The following CHD9 variants were observed in gnomAD, a reference collection of about 807,000 sequenced individuals.
The protein encoded by CHD9 is chromodomain helicase DNA binding protein 9.
In CHD9, 77 loss-of-function variants were observed where a neutral mutation model predicts 316.1. That is an observed-to-expected ratio of 0.24 (90% CI 0.20 to 0.29). CHD9 has a LOEUF of 0.29. CHD9 is among the 10% of genes least tolerant of loss of function. The pLI is 1.00. For synonymous variants in CHD9, 1,129 were observed against 1,158.3 expected (o/e 0.97, Z 0.51); for missense variants, 2,763 against 3,438.1 (o/e 0.80, Z 4.91).
At chr16:53,163,516 T>A (rs2042066457) in intron 2 of CHD9, among the ~76,000 whole-genome samples, 1 of 152,178 alleles carries the variant, frequency 6.6e-6, no homozygotes, top group African/African-American at 2.4e-5. Flanking sequence ...GGCCAATATT[T>A]TTGAATTTTA....
intron 1 of CHD9, among the ~76,000 whole-genome samples, chr16:53,077,652 T>C (rs989617674): frequency 2.0e-4 from 30 of 152,160 alleles, no homozygotes; most frequent in Non-Finnish European, 1.3e-4. Flanking sequence ...AAAGTATATA[T>C]TTAAGGGGCA....
intron 2 of CHD9, chr16:53,208,328 T>C (rs567695264): frequency 1.6e-6 from 2 of 1,281,958 alleles, no homozygotes; most frequent in African/African-American, 1.5e-5. Flanking sequence ...ATGTCTTCAG[T>C]GAAGAGGCCA....
chr16:53,228,808 A>G (rs1253094779), intron 7 of CHD9, among the ~76,000 whole-genome samples, 175 bp from the exon 8 acceptor site: 2 of 152,168 alleles, frequency 1.3e-5, no homozygotes, highest in Non-Finnish European at 2.9e-5. Flanking sequence ...TCCTTAGCAT[A>G]TAGTGATCAC....
chr16:53,129,536 A>G (rs936708080), intron 1 of CHD9, among the ~76,000 whole-genome samples: 2 of 152,232 alleles, frequency 1.3e-5, no homozygotes, highest in Admixed American at 1.3e-4. Flanking sequence ...GAATATAAAG[A>G]ATGAAATTAC....
In CHD9 at chr16:53,307,957, T is replaced by C. The variant is rs772141661; in HGVS notation, c.7053+4T>C. ...GTTTACAGTGAAAATCAAAGACGTA[T>C]GTGTATTTTTATTGCCCTAGGGCCT... On this transcript the variant is annotated splice_donor_region_variant and intron_variant, in intron 33 of 38. Transcript: ENST00000447540. 1 of 1,588,810 alleles carries C rather than the reference T, an allele frequency of 6.3e-7. No homozygotes were observed. Among genetic ancestry groups the C allele is most frequent in the South Asian group, 1.1e-5 (1 of 87,316 alleles).
chr16:53,286,346 ATG>A lies in CHD9; in HGVS notation c.5189+9_5189+10del. The A allele has an allele frequency of 6.6e-7, 1 of 1,523,044 alleles. No individual in the cohort carries two copies. The highest frequency in any genetic ancestry group is 9.1e-7 in the Non-Finnish European group (1 of 1,097,562). 94.3% of individuals were successfully genotyped at this position (1,523,044 alleles called of 1,614,324 possible). A position where few individuals can be genotyped will look rare whatever the true frequency, so the allele number is the denominator to read the frequency against. On this transcript the variant is annotated splice_donor_5th_base_variant and intron_variant, in intron 26 of 38. Coordinates refer to ENST00000447540, the MANE Select transcript of CHD9 (RefSeq NM_001308319.2). ...AGAGCGAATGATTATATGGATGGGTATGTGTGTTTCAGAGTCATGAATTTTCT... is the reference window on the plus strand; with the variant it reads ...AGAGCGAATGATTATATGGATGGGTATGTGTTTCAGAGTCATGAATTTTCT...
intron 1 of CHD9, among the ~76,000 whole-genome samples, chr16:53,118,134 A>G (rs1424498655): frequency 6.6e-6 from 1 of 152,112 alleles, no homozygotes; most frequent in East Asian, 1.9e-4. Flanking sequence ...GCCAAGACCT[A>G]AATATTTCAA....
chr16:53,236,037 G>A (rs1223443036), intron 11 of CHD9, among the ~76,000 whole-genome samples: 1 of 152,102 alleles, frequency 6.6e-6, no homozygotes, highest in Non-Finnish European at 1.5e-5. Context: ...TAGTGATGGT[G>A]AGTCATGGAC....
intron 2 of CHD9, among the ~76,000 whole-genome samples, chr16:53,203,921 G>A (rs1240638781): frequency 1.3e-5 from 2 of 149,906 alleles, no homozygotes; most frequent in East Asian, 2.0e-4. Context: ...CTACTCGTGA[G>A]CCTGAGGCAG....
At position 53,245,989 on chromosome 16, in the gene CHD9, T is replaced by C; in HGVS notation, c.3454+139T>C. The stretch of plus-strand genomic sequence containing the variant: ...CTAAGGAATTACAAGTGTTACAGAA[T>C]CAGAGGCAATGTGAACTGCTTTGTT... On this transcript the variant is annotated intron_variant, in intron 15 of 38. Coordinates refer to ENST00000447540, the MANE Select transcript of CHD9 (RefSeq NM_001308319.2). This position sits in a 1 kb window ranked among gnomAD's most constrained non-coding sequence, Gnocchi z 4.1. 1.7e-6 allele frequency: 1 copy of C among 591,904 alleles called. No individual in the cohort carries two copies. The highest frequency in any genetic ancestry group is 2.6e-6 in the Non-Finnish European group (1 of 380,916). 36.7% of individuals were successfully genotyped at this position (591,904 alleles called of 1,614,324 possible). A position where few individuals can be genotyped will look rare whatever the true frequency, so the allele number is the denominator to read the frequency against.
chr16:53,278,112 C>T (rs1301347529), intron 24 of CHD9, among the ~76,000 whole-genome samples: 1 of 151,890 alleles, frequency 6.6e-6, no homozygotes, highest in African/African-American at 2.4e-5. Flanking sequence ...TCGTAGATGA[C>T]ACAAATAAAT....
At chr16:53,242,027 G>T (rs2049144895) in intron 12 of CHD9, among the ~76,000 whole-genome samples, 1 of 152,180 alleles carries the variant, frequency 6.6e-6, no homozygotes, top group Non-Finnish European at 1.5e-5. Flanking sequence ...TGCTGCCAAA[G>T]ATACTCTTAC....
At chr16:53,101,162 G>A (rs948496133) in intron 1 of CHD9, among the ~76,000 whole-genome samples, 1 of 151,808 alleles carries the variant, frequency 6.6e-6, no homozygotes, top group Non-Finnish European at 1.5e-5. Context: ...CAGATTAGGT[G>A]TACATCATCT....
chr16:53,247,579 G>T, intron 16 of CHD9, 76 bp downstream of exon 16: 2 of 961,908 alleles, frequency 2.1e-6, no homozygotes, highest in South Asian at 1.5e-5. Context: ...TAATGTAAAT[G>T]AACTTTACTC....
At chr16:53,184,608 G>T (rs978111099) in intron 2 of CHD9, among the ~76,000 whole-genome samples, 2 of 152,172 alleles carry the variant, frequency 1.3e-5, no homozygotes, top group South Asian at 2.1e-4. Flanking sequence ...GCCTCCAAAA[G>T]TGCTGGGATT....
At chr16:53,250,196 C>T in intron 17 of CHD9, 130 bp downstream of exon 17, 1 of 645,930 alleles carries the variant, frequency 1.5e-6, no homozygotes, top group East Asian at 2.9e-5. Flanking sequence ...AATATCTGTG[C>T]CAAATAAAAT....
Position 53,245,995 on chromosome 16 carries a change from G to A in CHD9, c.3454+145G>A. The stretch of plus-strand genomic sequence containing the variant: ...AATTACAAGTGTTACAGAATCAGAG[G>A]CAATGTGAACTGCTTTGTTACAGTG... On this transcript the variant is annotated intron_variant, in intron 15 of 38. Transcript: ENST00000447540. This position sits in a 1 kb window ranked among gnomAD's most constrained non-coding sequence, Gnocchi z 4.1. 3 of 570,210 alleles carry A rather than the reference G, an allele frequency of 5.3e-6. No homozygotes were observed. The highest frequency in any genetic ancestry group is 4.7e-5 in the South Asian group (1 of 21,082). 35.3% of individuals were successfully genotyped at this position (570,210 alleles called of 1,614,324 possible).
Position 53,314,440 on chromosome 16 carries a change from A to G in CHD9, c.7286A>G (p.Lys2429Arg). The change falls in exon 35 of 39, where the codon AAA becomes AGA. Residue 2429 changes from lysine (K) to arginine (R), a missense_variant. By Grantham distance (26) the Lys-to-Arg change is conservative (BLOSUM62 2). Around this residue, in one of 15 missense-constraint regions of CHD9, gnomAD observed 663 missense variants for 751.2 expected, o/e 0.88. Coordinates refer to ENST00000447540, the MANE Select transcript of CHD9 (RefSeq NM_001308319.2). ...ATATTAGACAACCAGCCTATAGTCA[A>G]AAAAAGGCGAGGAAGGAGGAAGAAT... ...GVILDNQPIVKKRRGRRKNVE... is the reference protein window; with the variant it reads ...GVILDNQPIVRKRRGRRKNVE... The G allele has an allele frequency of 6.3e-7, 1 of 1,588,774 alleles. No individual in the cohort carries two copies. Among genetic ancestry groups the G allele is most frequent in the South Asian group, 1.1e-5 (1 of 87,216 alleles).
chr16:53,263,281 A>C lies in CHD9; in HGVS notation c.4320+184A>C, dbSNP rs539459958. Reference sequence around the variant, plus strand: ...CAATTTAATACATCTAATATCTCCCATGATGGGTTATCCCTACAGGGAAGG... The same window carrying C: ...CAATTTAATACATCTAATATCTCCCCTGATGGGTTATCCCTACAGGGAAGG... On this transcript the variant is annotated intron_variant, in intron 20 of 38. Transcript: ENST00000447540. Among the ~76,000 whole-genome samples the C allele has an allele frequency of 4.3e-3, 659 of 152,292 alleles. 3 individuals are homozygous for C. The highest frequency in any genetic ancestry group is 0.016 in the South Asian group (78 of 4,822).
Sources: gnomAD v4.1 joint callset for allele counts (sites outside exome capture counted in the v4.1 genomes callset) on GRCh38, gnomAD v4.1.1 for gene constraint, gnomAD v4.1.1 regional missense constraint, Gnocchi (gnomAD v3.1) non-coding constraint, MANE v1.5 for transcripts, NCBI Gene and HGNC (gene_info 2026-07-23, HGNC 2026-07-21) for gene names.